BMP6: variants seen among roughly 807,000 people sequenced by gnomAD.
BMP6 encodes VG-1-R.
In BMP6, 17 loss-of-function variants were observed where a neutral mutation model predicts 54.1. The observed-to-expected ratio is 0.31, with a 90% CI of 0.22 to 0.47. The LOEUF (loss-of-function observed/expected upper bound fraction) is 0.47, where lower values mean the gene tolerates loss of function less well. Ranked by LOEUF, BMP6 falls within the 20% of genes least tolerant of loss-of-function variation. BMP6 has a pLI of 1.00. For synonymous variants in BMP6, 328 were observed against 291.2 expected, an observed-to-expected ratio of 1.13 and a Z score of -1.28; for missense variants, 720 against 690.4, an observed-to-expected ratio of 1.04 and a Z score of -0.48.
At chr6:7,878,465 G>A (rs1027397958) in intron 4 of BMP6, among the ~76,000 whole-genome samples, 1 of 152,122 alleles carries the variant, frequency 6.6e-6, no homozygotes, top group African/African-American at 2.4e-5. Flanking sequence ...AGGAACCCCT[G>A]GCTTAGTGTT....
At chr6:7,750,843 C>T (rs1217238861) in intron 1 of BMP6, among the ~76,000 whole-genome samples, 1 of 152,174 alleles carries the variant, frequency 6.6e-6, no homozygotes, top group African/African-American at 2.4e-5. Flanking sequence ...CTTCCTCACT[C>T]TTGTCCACTT....
intron 1 of BMP6, among the ~76,000 whole-genome samples, chr6:7,762,584 C>T (rs1033676844): frequency 1.3e-4 from 20 of 152,076 alleles, no homozygotes; most frequent in African/African-American, 3.9e-4. Context: ...CTGAGTAAAA[C>T]GGCACATAAA....
chr6:7,746,409 CG>C (rs1423558438), intron 1 of BMP6, among the ~76,000 whole-genome samples: 9 of 152,134 alleles, frequency 5.9e-5, no homozygotes, highest in African/African-American at 2.2e-4. Context: ...AAATGGGAGA[CG>C]AACTGGGGCA....
chr6:7,821,675 C>T, intron 1 of BMP6, among the ~76,000 whole-genome samples: 1 of 152,168 alleles, frequency 6.6e-6, no homozygotes, highest in Non-Finnish European at 1.5e-5. Flanking sequence ...AGTCAGTTTT[C>T]TCCCAAACTG....
intron 1 of BMP6, among the ~76,000 whole-genome samples, chr6:7,757,122 A>C (rs1757528011): frequency 6.6e-6 from 1 of 152,198 alleles, no homozygotes; most frequent in Non-Finnish European, 1.5e-5. Flanking sequence ...GTTGGACCCT[A>C]TTTGGTAGCC....
chr6:7,795,634 C>T (rs1189548196), intron 1 of BMP6, among the ~76,000 whole-genome samples: 1 of 152,012 alleles, frequency 6.6e-6, no homozygotes, highest in Non-Finnish European at 1.5e-5. Flanking sequence ...TGGGTGGCAA[C>T]GAAGAGAGTG....
At chr6:7,854,557 G>A (rs186320207) in intron 2 of BMP6, among the ~76,000 whole-genome samples, 95 of 152,350 alleles carry the variant, frequency 6.2e-4, no homozygotes, top group Non-Finnish European at 1.1e-3. Context: ...AGCACTTGGC[G>A]AGGCCGGGGC....
intron 1 of BMP6, among the ~76,000 whole-genome samples, chr6:7,820,742 G>C (rs1758593476): frequency 1.3e-5 from 2 of 152,270 alleles, no homozygotes; most frequent in East Asian, 3.9e-4. Flanking sequence ...TGTGTCTTAG[G>C]CAGCAGTCCC....
At chr6:7,817,941 C>T (rs1270632720) in intron 1 of BMP6, among the ~76,000 whole-genome samples, 3 of 152,166 alleles carry the variant, frequency 2.0e-5, no homozygotes, top group African/African-American at 7.2e-5. Flanking sequence ...CATCAGTCAG[C>T]TTGTCTGGGA....
intron 1 of BMP6, among the ~76,000 whole-genome samples, chr6:7,800,118 G>A (rs1004921358): frequency 6.9e-4 from 99 of 143,560 alleles, no homozygotes; most frequent in African/African-American, 2.5e-3. Context: ...GTGTGTGTGT[G>A]TGTGATCTAA....
At chr6:7,751,628 A>C (rs1244040490) in intron 1 of BMP6, among the ~76,000 whole-genome samples, 1 of 152,214 alleles carries the variant, frequency 6.6e-6, no homozygotes, top group Non-Finnish European at 1.5e-5. Context: ...TTATATTTAC[A>C]AATCTCTATG....
chr6:7,862,959 C>A (rs1759360749), intron 4 of BMP6, among the ~76,000 whole-genome samples: 1 of 152,062 alleles, frequency 6.6e-6, no homozygotes, highest in African/African-American at 2.4e-5. Context: ...GGATGGATTT[C>A]TTTGGCTCAT....
At chr6:7,739,393 C>G (rs1191888011) in intron 1 of BMP6, among the ~76,000 whole-genome samples, 3 of 152,162 alleles carry the variant, frequency 2.0e-5, no homozygotes, top group Non-Finnish European at 4.4e-5. Context: ...TAAATAGAAA[C>G]TGCATTTTTT....
intron 4 of BMP6, among the ~76,000 whole-genome samples, chr6:7,863,922 A>G (rs1452021951): frequency 6.6e-6 from 1 of 151,992 alleles, no homozygotes. Context: ...TGGGAGGCTG[A>G]AGCAGGAGAA....
At chr6:7,864,613 A>G (rs1759389712) in intron 4 of BMP6, among the ~76,000 whole-genome samples, 1 of 152,180 alleles carries the variant, frequency 6.6e-6, no homozygotes, top group African/African-American at 2.4e-5. Context: ...TTTGGGAAGC[A>G]GTGTCTCCAT....
At chr6:7,814,377 G>C (rs1363121108) in intron 1 of BMP6, among the ~76,000 whole-genome samples, 4 of 152,176 alleles carry the variant, frequency 2.6e-5, no homozygotes, top group African/African-American at 9.7e-5. Flanking sequence ...GCTTAAAACA[G>C]CCAGATGTCA....
In BMP6 at chr6:7,880,271, C is replaced by T. The variant is rs202194109; in HGVS notation, c.1470C>T (p.Tyr490=). 40 of 1,614,032 alleles carry T rather than the reference C, an allele frequency of 2.5e-5. No individual in the cohort carries two copies. The highest frequency in any genetic ancestry group is 2.2e-5 in the Non-Finnish European group (26 of 1,180,040). Residue 490 remains tyrosine, a synonymous_variant, in exon 7 of 7, where the codon TAC becomes TAT. Coordinates refer to ENST00000283147, the MANE Select transcript of BMP6 (RefSeq NM_001718.6). ...PTKLNAISVL[Y]FDDNSNVILK... ...AGCTAAATGCCATCTCGGTTCTTTA[C>T]TTTGATGACAACTCCAATGTCATTC... is the stretch of plus-strand genomic sequence containing the variant.
chr6:7,823,152 G>A (rs747158391), intron 1 of BMP6, among the ~76,000 whole-genome samples: 1 of 152,054 alleles, frequency 6.6e-6, no homozygotes, highest in Non-Finnish European at 1.5e-5. Context: ...ACCACGACAC[G>A]TCCCAAACAT....
chr6:7,847,925 A>G (rs1176614640), intron 2 of BMP6, among the ~76,000 whole-genome samples: 2 of 152,358 alleles, frequency 1.3e-5, no homozygotes, highest in East Asian at 3.9e-4. Context: ...ATAAGCCCTT[A>G]GATGGAGTCT....
Sources: gnomAD v4.1 joint callset for allele counts (sites outside exome capture counted in the v4.1 genomes callset) on GRCh38, gnomAD v4.1.1 for gene constraint, MANE v1.5 for transcripts, NCBI Gene and HGNC (gene_info 2026-07-23, HGNC 2026-07-21) for gene names.